Variants in CAMKMT observed in about 807,000 individuals in gnomAD.
CAMKMT encodes calmodulin-lysine N-methyltransferase.
A neutral mutation model predicts 48.0 loss-of-function variants in CAMKMT; 53 were observed. That is an observed-to-expected ratio of 1.10 (90% CI 0.89 to 1.39). The LOEUF is 1.39. Ranked by LOEUF, CAMKMT falls within the 40% of genes most tolerant of loss-of-function variation. The pLI, the probability that CAMKMT is intolerant of heterozygous loss-of-function variation, is 0.00. For missense variants in CAMKMT, 428 were observed against 402.7 expected (o/e 1.06, Z -0.54); for synonymous variants, 165 against 152.3 (o/e 1.08, Z -0.61).
intron 3 of CAMKMT, among the ~76,000 whole-genome samples, chr2:44,434,511 C>G (rs934534556): frequency 6.6e-6 from 1 of 152,094 alleles, no homozygotes; most frequent in African/African-American, 2.4e-5. Flanking sequence ...GACCTAAGCT[C>G]TCCATTTATG....
intron 3 of CAMKMT, among the ~76,000 whole-genome samples, chr2:44,693,075 T>A (rs192851912): frequency 1.9e-3 from 294 of 152,276 alleles, no homozygotes; most frequent in African/African-American, 6.8e-3. Flanking sequence ...TCTAAATATA[T>A]CTCAAATCTT....
chr2:44,620,160 G>C (rs1323343750), intron 3 of CAMKMT, among the ~76,000 whole-genome samples: 2 of 152,100 alleles, frequency 1.3e-5, no homozygotes, highest in Admixed American at 1.3e-4. Context: ...TTAGTATTCA[G>C]ATGTCATTTA....
intron 3 of CAMKMT, among the ~76,000 whole-genome samples, chr2:44,668,180 C>A (rs72794008): frequency 0.16 from 24,736 of 152,126 alleles, 2,432 homozygotes; most frequent in African/African-American, 0.25. Context: ...CCTGGCTGAT[C>A]TTGCATTGAG....
At chr2:44,769,932 G>C (rs114718448) in intron 10 of CAMKMT, among the ~76,000 whole-genome samples, 1 of 152,178 alleles carries the variant, frequency 6.6e-6, no homozygotes, top group East Asian at 1.9e-4. Context: ...AAGGCTGAGC[G>C]TGTTACATCC....
At chr2:44,410,536 G>A (rs1447939929) in intron 3 of CAMKMT, among the ~76,000 whole-genome samples, 1 of 151,712 alleles carries the variant, frequency 6.6e-6, no homozygotes, top group East Asian at 1.9e-4. Context: ...TGTAAAATGT[G>A]GGAGATCTTA....
At chr2:44,706,401 A>T (rs978252462) in intron 5 of CAMKMT, 60 bp downstream of exon 5, 2 of 1,546,476 alleles carry the variant, frequency 1.3e-6, no homozygotes, top group Non-Finnish European at 1.8e-6. Context: ...AAAATGTTCC[A>T]GGGCCTCCAA....
chr2:44,522,335 T>C (rs1263940935), intron 3 of CAMKMT, among the ~76,000 whole-genome samples: 8 of 152,180 alleles, frequency 5.3e-5, no homozygotes, highest in African/African-American at 1.9e-4. Context: ...TATCTGTCTC[T>C]TTCTGTCTAA....
At chr2:44,741,744 C>T (rs1285111728) in intron 7 of CAMKMT, among the ~76,000 whole-genome samples, 1 of 152,268 alleles carries the variant, frequency 6.6e-6, no homozygotes, top group East Asian at 1.9e-4. Context: ...AGTCATGACT[C>T]ATTACAGCTG....
chr2:44,636,099 C>G (rs944411698), intron 3 of CAMKMT, among the ~76,000 whole-genome samples: 3 of 152,032 alleles, frequency 2.0e-5, no homozygotes, highest in Non-Finnish European at 4.4e-5. Flanking sequence ...ATATTTTTTT[C>G]CTAAATAAAC....
At chr2:44,475,839 T>C (rs698809) in intron 3 of CAMKMT, among the ~76,000 whole-genome samples, 116,729 of 152,112 alleles carry the variant, frequency 0.77, 44,894 homozygotes, top group South Asian at 0.88. Flanking sequence ...AATCAAAATG[T>C]ATCGTTTAGG....
At chr2:44,596,281 T>C (rs1670654551) in intron 3 of CAMKMT, among the ~76,000 whole-genome samples, 1 of 151,844 alleles carries the variant, frequency 6.6e-6, no homozygotes, top group Non-Finnish European at 1.5e-5. Context: ...AAACCCTGTC[T>C]CTACCAAAAA....
chr2:44,419,830 T>G (rs975324732), intron 3 of CAMKMT, among the ~76,000 whole-genome samples: 1 of 152,212 alleles, frequency 6.6e-6, no homozygotes, highest in South Asian at 2.1e-4. Flanking sequence ...GAATAGCCAC[T>G]GCACTCTAGC....
intron 3 of CAMKMT, among the ~76,000 whole-genome samples, chr2:44,672,780 CT>C (rs1163448248): frequency 4.6e-5 from 7 of 152,096 alleles, no homozygotes; most frequent in African/African-American, 1.7e-4. Context: ...CCCTGAAGTA[CT>C]GTAAGATGTA....
chr2:44,759,346 C>T (rs1319796595), intron 9 of CAMKMT, among the ~76,000 whole-genome samples: 1 of 152,170 alleles, frequency 6.6e-6, no homozygotes, highest in African/African-American at 2.4e-5. Flanking sequence ...GTCTTGAACT[C>T]CTGGGCTCAA....
intron 3 of CAMKMT, among the ~76,000 whole-genome samples, chr2:44,492,976 C>T (rs544811311): frequency 2.6e-4 from 40 of 151,902 alleles, no homozygotes; most frequent in African/African-American, 9.7e-4. Flanking sequence ...TCACTGCAAC[C>T]TCCACCTCCT....
chr2:44,436,572 ATTTTTTT>A (rs71393275), intron 3 of CAMKMT, among the ~76,000 whole-genome samples: 4 of 147,974 alleles, frequency 2.7e-5, no homozygotes, highest in Admixed American at 1.4e-4. Context: ...CTTATTTTTA[ATTTTTTT>A]TTTTTTACAA....
At chr2:44,571,114 G>C (rs1170379273) in intron 3 of CAMKMT, among the ~76,000 whole-genome samples, 1 of 152,174 alleles carries the variant, frequency 6.6e-6, no homozygotes, top group Admixed American at 6.5e-5. Context: ...GTTTAATGCA[G>C]TCTTTTTGTT....
chr2:44,626,966 G>A (rs1672516967), intron 3 of CAMKMT, among the ~76,000 whole-genome samples: 1 of 152,086 alleles, frequency 6.6e-6, no homozygotes, highest in Non-Finnish European at 1.5e-5. Flanking sequence ...CTTAGGATAG[G>A]GATTTAGTGT....
intron 3 of CAMKMT, among the ~76,000 whole-genome samples, chr2:44,695,697 C>T (rs1010315019): frequency 1.3e-5 from 2 of 152,008 alleles, no homozygotes; most frequent in Admixed American, 6.6e-5. Flanking sequence ...GGGCAGCATG[C>T]AATAGCAATA....
Sources: gnomAD v4.1 joint callset for allele counts (sites outside exome capture counted in the v4.1 genomes callset) on GRCh38, gnomAD v4.1.1 for gene constraint, MANE v1.5 for transcripts, NCBI Gene and HGNC (gene_info 2026-07-23, HGNC 2026-07-21) for gene names.